Variants in GLG1 observed in about 807,000 individuals in gnomAD.
GLG1 encodes Golgi apparatus protein 1.
Under a neutral mutation model 160.5 loss-of-function variants are expected in GLG1, and 38 were observed. The ratio of observed to expected loss-of-function variants is 0.24; its 90% confidence interval spans 0.18 to 0.31. GLG1 has a LOEUF of 0.31. GLG1 is among the 10% of genes least tolerant of loss of function. The pLI is 1.00. For synonymous variants in GLG1, 644 were observed against 543.4 expected (o/e 1.19, Z -2.57); for missense variants, 1,373 against 1,505.2 (o/e 0.91, Z 1.45).
chr16:74,538,552 C>T (rs937805119), intron 1 of GLG1, among the ~76,000 whole-genome samples: 1 of 152,018 alleles, frequency 6.6e-6, no homozygotes, highest in Non-Finnish European at 1.5e-5. Flanking sequence ...TTATTTGTAC[C>T]CAGGGATAGT....
intron 18 of GLG1, among the ~76,000 whole-genome samples, chr16:74,466,041 C>T (rs4888243): frequency 0.99 from 150,973 of 152,286 alleles, 74,865 homozygotes; most frequent in East Asian, 1. Flanking sequence ...TGTGCTCCAG[C>T]CTAATGGAAA....
chr16:74,489,158 C>A (rs1490688777), intron 8 of GLG1, among the ~76,000 whole-genome samples: 1 of 152,010 alleles, frequency 6.6e-6, no homozygotes, highest in Non-Finnish European at 1.5e-5. Context: ...TCCCTTACTA[C>A]AAGTGTAGCC....
chr16:74,584,618 A>T (rs954514515), intron 1 of GLG1, among the ~76,000 whole-genome samples: 3 of 151,942 alleles, frequency 2.0e-5, no homozygotes, highest in Non-Finnish European at 4.4e-5. Flanking sequence ...GTTGAGGAAT[A>T]AAAAAACCAC....
intron 1 of GLG1, among the ~76,000 whole-genome samples, chr16:74,561,021 ACGCAGTCCTG>A (rs1243346280): frequency 2.0e-5 from 3 of 152,366 alleles, no homozygotes; most frequent in African/African-American, 2.4e-5. Context: ...GTCTGGCACC[ACGCAGTCCTG>A]CGCAGTCCTG....
intron 1 of GLG1, among the ~76,000 whole-genome samples, chr16:74,602,409 A>T (rs1412757139): frequency 6.6e-6 from 1 of 152,240 alleles, no homozygotes; most frequent in Admixed American, 6.6e-5. Flanking sequence ...TATTTATCAC[A>T]GACATGCTTG....
chr16:74,453,965 A>T (rs1325092515), intron 25 of GLG1, among the ~76,000 whole-genome samples: 1 of 150,462 alleles, frequency 6.6e-6, no homozygotes, highest in Non-Finnish European at 1.5e-5. Context: ...TCTACCTCTC[A>T]GGTTTAAGCG....
chr16:74,529,768 T>G (rs961569198), intron 2 of GLG1, among the ~76,000 whole-genome samples: 5 of 151,122 alleles, frequency 3.3e-5, no homozygotes, highest in African/African-American at 4.9e-5. Flanking sequence ...TCCCCCATTT[T>G]CAGCAGTATC....
At position 74,477,501 on chromosome 16, in the gene GLG1, C is replaced by T. The variant is rs757692613; in HGVS notation, c.1860G>A (p.Arg620=). The T allele has an allele frequency of 2.0e-5, 33 of 1,613,042 alleles. No individual in the cohort carries two copies. The highest frequency in any genetic ancestry group is 2.3e-5 in the Non-Finnish European group (27 of 1,179,202). The change falls in exon 12 of 26, where the codon AGG becomes AGA. Residue 620 remains arginine, a synonymous_variant. Transcript: ENST00000422840. ...CATCCATGGCACGCTGGTGTAGGAT[C>T]CTTTGGACTTCAGCTCGGCACTCCC... ...LSRECRAEVQ[R]ILHQRAMDVK...
chr16:74,526,667 T>C (rs1393801832), intron 2 of GLG1, among the ~76,000 whole-genome samples: 1 of 152,008 alleles, frequency 6.6e-6, no homozygotes, highest in Non-Finnish European at 1.5e-5. Flanking sequence ...GAAGCTGGAG[T>C]GAGCCGTGAT....
At chr16:74,477,220 A>G (rs2015414943) in intron 12 of GLG1, among the ~76,000 whole-genome samples, 176 bp downstream of exon 12, 1 of 152,234 alleles carries the variant, frequency 6.6e-6, no homozygotes, top group Non-Finnish European at 1.5e-5. Flanking sequence ...TTCCTGATAC[A>G]AAGACCAGAG....
At chr16:74,456,315 G>C (rs1168289113) in intron 25 of GLG1, among the ~76,000 whole-genome samples, 1 of 152,208 alleles carries the variant, frequency 6.6e-6, no homozygotes. Flanking sequence ...AATTCTAAAA[G>C]CACACTGACC....
chr16:74,507,497 G>C (rs2016654892), intron 3 of GLG1, among the ~76,000 whole-genome samples: 1 of 152,184 alleles, frequency 6.6e-6, no homozygotes, highest in Non-Finnish European at 1.5e-5. Context: ...AGCACTTTGG[G>C]AGGTTGAGGT....
chr16:74,501,775 C>A (rs992017096), intron 4 of GLG1, among the ~76,000 whole-genome samples: 3 of 152,220 alleles, frequency 2.0e-5, no homozygotes, highest in African/African-American at 7.2e-5. Flanking sequence ...TAAATAAAGT[C>A]AGAAGAGCTT....
At chr16:74,567,245 A>C (rs1368010606) in intron 1 of GLG1, among the ~76,000 whole-genome samples, 2 of 150,816 alleles carry the variant, frequency 1.3e-5, no homozygotes, top group African/African-American at 4.9e-5. Context: ...CAGAGAGAGG[A>C]GTTAGCTGTT....
At chr16:74,557,531 C>T (rs144742274) in intron 1 of GLG1, among the ~76,000 whole-genome samples, 31 of 152,140 alleles carry the variant, frequency 2.0e-4, no homozygotes, top group Non-Finnish European at 3.5e-4. Context: ...TAGGCCAAAA[C>T]TCTAGGCATA....
intron 7 of GLG1, 127 bp from the exon 8 acceptor site, chr16:74,491,342 T>A: frequency 1.4e-6 from 1 of 723,104 alleles, no homozygotes; most frequent in Non-Finnish European, 2.3e-6. Flanking sequence ...TGCTAACATC[T>A]GAAAAGTTTA....
chr16:74,515,488 T>C (rs886395943), intron 2 of GLG1, among the ~76,000 whole-genome samples: 2 of 152,000 alleles, frequency 1.3e-5, no homozygotes, highest in Admixed American at 1.3e-4. Flanking sequence ...CAGGATTAAA[T>C]ATCTCACTCA....
intron 1 of GLG1, among the ~76,000 whole-genome samples, chr16:74,605,117 CTTCA>C (rs986981568): frequency 3.3e-5 from 5 of 152,236 alleles, no homozygotes; most frequent in South Asian, 2.1e-4. Flanking sequence ...AGTACTCTTC[CTTCA>C]TTATTTCTGT....
chr16:74,516,109 G>T (rs1394009068), intron 2 of GLG1, among the ~76,000 whole-genome samples: 1 of 151,626 alleles, frequency 6.6e-6, no homozygotes, highest in East Asian at 1.9e-4. Context: ...AATAATGGGA[G>T]ACTTTAACAC....
Sources: allele counts gnomAD v4.1 joint callset (sites outside exome capture counted in the v4.1 genomes callset), GRCh38; gene constraint gnomAD v4.1.1; transcripts MANE v1.5; gene names NCBI Gene and HGNC (gene_info 2026-07-23, HGNC 2026-07-21).